EHMT1: variants seen among roughly 807,000 people sequenced by gnomAD.
EHMT1 encodes the protein euchromatic histone lysine methyltransferase 1, also known as histone-lysine N-methyltransferase EHMT1.
In EHMT1, 15 loss-of-function variants were observed where a neutral mutation model predicts 147.2. The ratio of observed to expected loss-of-function variants is 0.10; its 90% confidence interval spans 0.07 to 0.16. EHMT1 has a LOEUF of 0.16. EHMT1 is among the 10% of genes least tolerant of loss of function. The probability of loss-of-function intolerance (pLI) is 1.00; values close to 1 mark genes in which losing one functional copy is unlikely to be tolerated. For missense variants in EHMT1, 1,587 were observed against 1,772.4 expected (o/e 0.90, Z 1.88); for synonymous variants, 795 against 709.6 (o/e 1.12, Z -1.91).
At chr9:137,794,226 A>G (rs1952734032) in intron 16 of EHMT1, among the ~76,000 whole-genome samples, 1 of 152,190 alleles carries the variant, frequency 6.6e-6, no homozygotes, top group African/African-American at 2.4e-5. Context: ...AAATTTGAAT[A>G]TTTAATATTT....
At position 137,676,918 on chromosome 9, in the gene EHMT1, A is replaced by C. The variant is rs1243159676; in HGVS notation, c.22-34049A>C. Among the ~76,000 whole-genome samples, 10 of 151,896 alleles carry C rather than the reference A, an allele frequency of 6.6e-5. No homozygotes were observed. In the South Asian group the frequency reaches 1.9e-3, roughly 28 times the overall value. On this transcript the variant is annotated intron_variant, in intron 1 of 26. Coordinates refer to ENST00000460843, the MANE Select transcript of EHMT1 (RefSeq NM_024757.5). ...TTTTTTTCCCTTTTTGCCCAATAAA[A>C]CCTTGCTCTACTCACCCTTTAGTGT... is the stretch of plus-strand genomic sequence containing the variant.
chr9:137,830,212 G>A (rs149205537), intron 25 of EHMT1, among the ~76,000 whole-genome samples: 12 of 152,166 alleles, frequency 7.9e-5, no homozygotes, highest in South Asian at 2.1e-4. Context: ...AGGCGAGCCC[G>A]TCTCCTTTGG....
rs1428952348 is a variant in EHMT1, at chr9:137,775,686, A to C, written c.1791+434A>C. Among the ~76,000 whole-genome samples the C allele has an allele frequency of 6.6e-6, 1 of 151,884 alleles. No individual in the cohort carries two copies. The highest frequency in any genetic ancestry group is 2.0e-4 in the East Asian group (1 of 5,106). ...GGTGTACTGAGGACATTCACCCCCC[A>C]TGATAAGGGTGTCCAGAGCACACAG... is the stretch of plus-strand genomic sequence containing the variant. On this transcript the variant is annotated intron_variant, in intron 11 of 26. Transcript: ENST00000460843. The surrounding 1 kb of genome is among the most constrained non-coding windows in gnomAD (Gnocchi z 6.1).
chr9:137,775,183 G>A lies in EHMT1; in HGVS notation c.1722G>A (p.Leu574=), dbSNP rs768767910. Residue 574 remains leucine, a synonymous_variant, in exon 11 of 27, where the codon CTG becomes CTA. Coordinates refer to ENST00000460843, the MANE Select transcript of EHMT1 (RefSeq NM_024757.5). The surrounding 1 kb of genome is among the most constrained non-coding windows in gnomAD (Gnocchi z 6.1). Reference sequence around the variant, plus strand: ...CCAACAAGGCCCCGCTCCTCGTGCTGTGTGAAGACCACCGGGGCCGCATGG... The same window carrying A: ...CCAACAAGGCCCCGCTCCTCGTGCTATGTGAAGACCACCGGGGCCGCATGG... ...RPSNKAPLLV[L]CEDHRGRMVK... The A allele has an allele frequency of 3.1e-6, 5 of 1,613,880 alleles. No homozygotes were observed. In the East Asian group the frequency reaches 6.7e-5, roughly 22 times the overall value.
At chr9:137,654,913 C>T (rs564390915) in intron 1 of EHMT1, among the ~76,000 whole-genome samples, 12 of 152,086 alleles carry the variant, frequency 7.9e-5, no homozygotes, top group African/African-American at 2.2e-4. Context: ...GACAGGCCAG[C>T]GTGGACAGCA....
intron 22 of EHMT1, 200 bp from the exon 23 acceptor site, chr9:137,815,747 G>A (rs921227787): frequency 4.8e-6 from 3 of 629,734 alleles, no homozygotes; most frequent in African/African-American, 1.8e-5. Flanking sequence ...TCCACAACCT[G>A]TGTGGGCATC....
intron 1 of EHMT1, among the ~76,000 whole-genome samples, chr9:137,682,639 A>C (rs1942058813): frequency 6.6e-6 from 1 of 152,194 alleles, no homozygotes; most frequent in Admixed American, 6.5e-5. Context: ...TAAAGAGGCC[A>C]CTTGTCACCT....
intron 7 of EHMT1, among the ~76,000 whole-genome samples, chr9:137,752,651 T>C (rs1363756853): frequency 2.0e-5 from 3 of 151,984 alleles, no homozygotes; most frequent in African/African-American, 7.2e-5. Context: ...GCGTGCTGGG[T>C]GGGGTGGAGT....
intron 1 of EHMT1, among the ~76,000 whole-genome samples, chr9:137,654,328 C>T (rs1440771374): frequency 1.3e-5 from 2 of 151,900 alleles, no homozygotes; most frequent in Non-Finnish European, 2.9e-5. Flanking sequence ...TACACCACTG[C>T]ACTCCAGCCT....
chr9:137,756,669 G>A (rs532276946), intron 8 of EHMT1, among the ~76,000 whole-genome samples: 6 of 152,304 alleles, frequency 3.9e-5, no homozygotes, highest in African/African-American at 1.4e-4. Flanking sequence ...GCCAACAAAA[G>A]CATTTTAGAG....
At position 137,732,821 on chromosome 9, in the gene EHMT1, C is replaced by T. The variant is rs1947229786; in HGVS notation, c.823+4292C>T. Among the ~76,000 whole-genome samples the T allele has an allele frequency of 6.6e-6, 1 of 152,124 alleles. No individual in the cohort carries two copies. The highest frequency in any genetic ancestry group is 1.5e-5 in the Non-Finnish European group (1 of 68,010). On this transcript the variant is annotated intron_variant, in intron 4 of 26. Coordinates refer to ENST00000460843, the MANE Select transcript of EHMT1 (RefSeq NM_024757.5). The surrounding 1 kb of genome is among the most constrained non-coding windows in gnomAD (Gnocchi z 4.6). ...ATTGCCTGCCATTCATTGTTGCCTCCCTGTGGGAGGGGTGTTGGAGCCAGG... is the reference window on the plus strand; with the variant it reads ...ATTGCCTGCCATTCATTGTTGCCTCTCTGTGGGAGGGGTGTTGGAGCCAGG...
intron 1 of EHMT1, among the ~76,000 whole-genome samples, chr9:137,646,059 AGC>A (rs1190847198): frequency 4.6e-5 from 7 of 152,064 alleles, no homozygotes; most frequent in Non-Finnish European, 7.4e-5. Flanking sequence ...CCCGGATTCA[AGC>A]AGTTCTCCTG....
chr9:137,637,300 C>T (rs995021452), intron 1 of EHMT1, among the ~76,000 whole-genome samples: 11 of 151,714 alleles, frequency 7.3e-5, no homozygotes, highest in Admixed American at 2.0e-4. Flanking sequence ...CTCAGCCTCC[C>T]GAGTAGCTGG....
chr9:137,712,856 A>G (rs1944870530), intron 2 of EHMT1, among the ~76,000 whole-genome samples: 1 of 152,144 alleles, frequency 6.6e-6, no homozygotes, highest in Non-Finnish European at 1.5e-5. Flanking sequence ...CCATTACTTA[A>G]TAGAAGGTCA....
intron 1 of EHMT1, among the ~76,000 whole-genome samples, chr9:137,622,801 A>G (rs985588763): frequency 4.8e-5 from 7 of 145,878 alleles, no homozygotes; most frequent in African/African-American, 1.8e-4. Context: ...CAGCTACTTG[A>G]GGGGCTGAGG....
At chr9:137,746,314 A>T (rs1948538436) in intron 6 of EHMT1, 1 of 152,054 alleles carries the variant, frequency 6.6e-6, no homozygotes, top group South Asian at 2.1e-4. Flanking sequence ...ACAGGATCCC[A>T]CTGTGTTGCC....
intron 1 of EHMT1, among the ~76,000 whole-genome samples, chr9:137,645,679 A>G (rs1452846465): frequency 2.0e-5 from 3 of 152,080 alleles, no homozygotes; most frequent in Admixed American, 6.6e-5. Flanking sequence ...CTCGATTCCA[A>G]ATGGAATCTT....
intron 1 of EHMT1, among the ~76,000 whole-genome samples, chr9:137,654,457 C>G (rs1315861787): frequency 6.7e-6 from 1 of 149,536 alleles, no homozygotes; most frequent in Non-Finnish European, 1.5e-5. Flanking sequence ...TTTCAGTTCT[C>G]TTCCATTGAT....
intron 1 of EHMT1, among the ~76,000 whole-genome samples, chr9:137,698,244 C>T (rs1022397485): frequency 7.2e-5 from 11 of 152,226 alleles, no homozygotes; most frequent in African/African-American, 2.2e-4. Context: ...CAGGGATTGC[C>T]GTGGAAACTC....
Sources: gnomAD v4.1 joint callset for allele counts (sites outside exome capture counted in the v4.1 genomes callset) on GRCh38, gnomAD v4.1.1 for gene constraint, Gnocchi (gnomAD v3.1) non-coding constraint, MANE v1.5 for transcripts, NCBI Gene and HGNC (gene_info 2026-07-23, HGNC 2026-07-21) for gene names.